Variants in OR2AJ1 observed in about 807,000 individuals in gnomAD.
The protein encoded by OR2AJ1 is olfactory receptor family 2 subfamily AJ member 1.
For synonymous variants in OR2AJ1, 105 were observed against 60.3 expected (o/e 1.74, Z -3.44); for missense variants, 280 against 163.2 (o/e 1.72, Z -3.90).
At position 247,934,363 on chromosome 1, in the gene OR2AJ1, G is replaced by T. The variant is rs985621779; in HGVS notation, c.595G>T (p.Val199Phe). 4.1e-6 allele frequency: 3 copies of T among 722,958 alleles called. No individual in the cohort carries two copies. Among genetic ancestry groups the T allele is most frequent in the Non-Finnish European group, 7.7e-6 (3 of 388,196 alleles). The allele number at this position is 722,958 out of a possible 1,614,324, so 44.8% of individuals were successfully genotyped here. Residue 199 changes from valine to phenylalanine, a missense_variant, in exon 2 of 2, where the codon GTT (valine) becomes TTT (phenylalanine). Physicochemically the swap from Val to Phe is conservative, Grantham distance 50. Transcript: ENST00000318244. Reference protein sequence around the residue: ...CADTTRYERGVCVSAVIFLLI... With the variant: ...CADTTRYERGFCVSAVIFLLI... ...AGACACAACACGCTATGAACGAGGGGTTTGTGTAAGTGCTGTGATCTTCCT... is the reference window on the plus strand; with the variant it reads ...AGACACAACACGCTATGAACGAGGGTTTTGTGTAAGTGCTGTGATCTTCCT...
In OR2AJ1 at chr1:247,934,238, C is replaced by T. The variant is rs1242007360; in HGVS notation, c.470C>T (p.Thr157Ile). ...TGGCTCATTGGGGTTTTCAACTCCA[C>T]AGTCCACACAGCTTATGCACTGCAG... Reference protein sequence around the residue: ...GSWLIGVFNSTVHTAYALQFP... With the variant: ...GSWLIGVFNSIVHTAYALQFP... Residue 157 changes from threonine to isoleucine, a missense_variant, in exon 2 of 2, where the codon ACA (threonine) becomes ATA (isoleucine). Transcript: ENST00000318244. 4.2e-6 allele frequency: 3 copies of T among 719,782 alleles called. No individual in the cohort carries two copies. The African/African-American group carries it at 5.2e-5, about 13-fold the overall frequency. 44.6% of individuals were successfully genotyped at this position (719,782 alleles called of 1,614,324 possible).
intron 1 of OR2AJ1, among the ~76,000 whole-genome samples, chr1:247,930,318 G>A (rs1032709126): frequency 1.3e-5 from 2 of 152,048 alleles, no homozygotes; most frequent in Non-Finnish European, 2.9e-5. Flanking sequence ...ATGCTTTATC[G>A]GTATAATGAG....
chr1:247,933,166 A>T (rs1660172980), intron 1 of OR2AJ1, among the ~76,000 whole-genome samples: 1 of 152,206 alleles, frequency 6.6e-6, no homozygotes, highest in African/African-American at 2.4e-5. Flanking sequence ...CATTTCATTC[A>T]AATATTCAAC....
intron 1 of OR2AJ1, among the ~76,000 whole-genome samples, chr1:247,929,205 T>C (rs921421188): frequency 1.3e-5 from 2 of 152,220 alleles, no homozygotes; most frequent in African/African-American, 4.8e-5. Context: ...CTCATTTTCA[T>C]GTGCGCATGT....
Position 247,934,996 on chromosome 1 carries a change from G to T in OR2AJ1, c.*241G>T. On this transcript the variant is annotated 3_prime_UTR_variant, in exon 2 of 2. Coordinates refer to ENST00000318244, the MANE Select transcript of OR2AJ1 (RefSeq NM_001355235.2). ...CTATTCCCTAACACCAAAATTGTAA[G>T]ACTTATGAGAATATCCCTAAAAATA... 2.8e-6 allele frequency: 1 copy of T among 360,536 alleles called. No homozygotes were observed. Among genetic ancestry groups the T allele is most frequent in the Non-Finnish European group, 4.9e-6 (1 of 202,518 alleles). The allele number at this position is 360,536 out of a possible 1,614,324, so 22.3% of individuals were successfully genotyped here.
At chr1:247,929,602 G>C (rs10888279) in intron 1 of OR2AJ1, among the ~76,000 whole-genome samples, 63 of 14,604 alleles carry the variant, frequency 4.3e-3, no homozygotes, top group Non-Finnish European at 7.2e-3. Context: ...TTCACTCGGT[G>C]TGTGTGTGTG....
At chr1:247,932,475 T>C (rs888000575) in intron 1 of OR2AJ1, among the ~76,000 whole-genome samples, 2 of 152,232 alleles carry the variant, frequency 1.3e-5, no homozygotes, top group Non-Finnish European at 2.9e-5. Flanking sequence ...TTCAAGGAAA[T>C]TAAAATAGGA....
rs143251158 is a variant in OR2AJ1, at chr1:247,929,076, A to G, written c.-23+3908A>G. Among the ~76,000 whole-genome samples the G allele has an allele frequency of 7.0e-4, 106 of 152,326 alleles. No homozygotes were observed. In the South Asian group the frequency reaches 0.014, roughly 20 times the overall value. ...ACTCACTCCGTAATGATTGTATGGA[A>G]TTGAAAAGTTAGAAGGGCCAAAAAA... On this transcript the variant is annotated intron_variant, in intron 1 of 1. Coordinates refer to ENST00000318244, the MANE Select transcript of OR2AJ1 (RefSeq NM_001355235.2).
intron 1 of OR2AJ1, among the ~76,000 whole-genome samples, chr1:247,927,519 T>TGTGTGTGTGTGTGTGTGTG (rs74163828): frequency 6.6e-5 from 10 of 151,598 alleles, no homozygotes; most frequent in East Asian, 1.9e-4. Flanking sequence ...TGTGTGTGTG[T>TGTGTGTGTGTGTGTGTGTG]TGGGAACATT....
chr1:247,930,805 G>A (rs1203108710), intron 1 of OR2AJ1, among the ~76,000 whole-genome samples: 2 of 152,104 alleles, frequency 1.3e-5, no homozygotes, highest in African/African-American at 4.8e-5. Context: ...TTTGAAGGAA[G>A]TGTGATGTGT....
intron 1 of OR2AJ1, among the ~76,000 whole-genome samples, chr1:247,929,241 C>A (rs1440541516): frequency 6.6e-6 from 1 of 152,164 alleles, no homozygotes; most frequent in Non-Finnish European, 1.5e-5. Context: ...CCTAAACATT[C>A]TCATTCAGTG....
rs1330001848 is a variant in OR2AJ1, at chr1:247,934,207, G to A, written c.439G>A (p.Gly147Ser). 1.4e-6 allele frequency: 1 copy of A among 718,508 alleles called. No homozygotes were observed. Among genetic ancestry groups the A allele is most frequent in the South Asian group, 1.5e-5 (1 of 67,674 alleles). 44.5% of individuals were successfully genotyped at this position (718,508 alleles called of 1,614,324 possible). ...KEYASALMAG[G>S]SWLIGVFNST... ...GTATGCCAGCGCTCTCATGGCTGGAGGCTCCTGGCTCATTGGGGTTTTCAA... is the reference window on the plus strand; with the variant it reads ...GTATGCCAGCGCTCTCATGGCTGGAAGCTCCTGGCTCATTGGGGTTTTCAA... The change falls in exon 2 of 2, where the codon GGC becomes AGC. Residue 147 changes from glycine (G) to serine (S), a missense_variant. Coordinates refer to ENST00000318244, the MANE Select transcript of OR2AJ1 (RefSeq NM_001355235.2).
chr1:247,933,274 C>T (rs1660173864), intron 1 of OR2AJ1, among the ~76,000 whole-genome samples: 1 of 152,070 alleles, frequency 6.6e-6, no homozygotes, highest in Non-Finnish European at 1.5e-5. Flanking sequence ...AAAATTCTGG[C>T]ATAGAATGAA....
Position 247,934,312 on chromosome 1 carries a change from C to T in OR2AJ1, c.544C>T (p.Pro182Ser), listed in dbSNP as rs1205900602. Reference sequence around the variant, plus strand: ...AATTGATCACTTCTTCTGTGAAGTCCCTGCCATGTTGAAGTTGTCCTGTGC... The same window carrying T: ...AATTGATCACTTCTTCTGTGAAGTCTCTGCCATGTTGAAGTTGTCCTGTGC... ...RAIDHFFCEV[P>S]AMLKLSCADT... Residue 182 changes from proline (P) to serine (S), a missense_variant, in exon 2 of 2, where the codon CCT becomes TCT. Coordinates refer to ENST00000318244, the MANE Select transcript of OR2AJ1 (RefSeq NM_001355235.2). The T allele has an allele frequency of 1.4e-6, 1 of 738,500 alleles. No homozygotes were observed. Among genetic ancestry groups the T allele is most frequent in the Non-Finnish European group, 2.5e-6 (1 of 396,458 alleles). The allele number at this position is 738,500 out of a possible 1,614,324, so 45.7% of individuals were successfully genotyped here. A position where few individuals can be genotyped will look rare whatever the true frequency, so the allele number is the denominator to read the frequency against.
chr1:247,927,576 T>C (rs1317928605), intron 1 of OR2AJ1, among the ~76,000 whole-genome samples: 1 of 150,858 alleles, frequency 6.6e-6, no homozygotes, highest in Non-Finnish European at 1.5e-5. Flanking sequence ...AAAATTATCA[T>C]TAACGATAAT....
At position 247,934,283 on chromosome 1, in the gene OR2AJ1, G is replaced by T; in HGVS notation, c.515G>T (p.Arg172Met). The T allele has an allele frequency of 1.4e-6, 1 of 732,868 alleles. No homozygotes were observed. Among genetic ancestry groups the T allele is most frequent in the Non-Finnish European group, 2.5e-6 (1 of 393,604 alleles). The allele number at this position is 732,868 out of a possible 1,614,324, so 45.4% of individuals were successfully genotyped here. A position where few individuals can be genotyped will look rare whatever the true frequency, so the allele number is the denominator to read the frequency against. The change falls in exon 2 of 2, where the codon AGG becomes ATG. Residue 172 changes from arginine (R) to methionine (M), a missense_variant. Physicochemically the swap from Arg to Met is moderately conservative, Grantham distance 91. Coordinates refer to ENST00000318244, the MANE Select transcript of OR2AJ1 (RefSeq NM_001355235.2). Reference sequence around the variant, plus strand: ...CTGCAGTTTCCCTTCTGTGGCTCTAGGGCAATTGATCACTTCTTCTGTGAA... The same window carrying T: ...CTGCAGTTTCCCTTCTGTGGCTCTATGGCAATTGATCACTTCTTCTGTGAA... ...YALQFPFCGSRAIDHFFCEVP... is the reference protein window; with the variant it reads ...YALQFPFCGSMAIDHFFCEVP...
At chr1:247,932,202 G>T (rs2103006587) in intron 1 of OR2AJ1, among the ~76,000 whole-genome samples, 1 of 152,302 alleles carries the variant, frequency 6.6e-6, no homozygotes, top group East Asian at 1.9e-4. Flanking sequence ...GCCGGGTTTG[G>T]TAGTGGTGCC....
At chr1:247,928,580 A>G (rs1414860388) in intron 1 of OR2AJ1, among the ~76,000 whole-genome samples, 1 of 152,018 alleles carries the variant, frequency 6.6e-6, no homozygotes, top group East Asian at 1.9e-4. Flanking sequence ...CTTTTCTGAG[A>G]CCGATGTTGA....
In OR2AJ1 at chr1:247,935,135, T is replaced by G. The variant is rs994368189; in HGVS notation, c.*380T>G. The G allele has an allele frequency of 5.8e-6, 1 of 172,580 alleles. No homozygotes were observed. Among genetic ancestry groups the G allele is most frequent in the Non-Finnish European group, 1.2e-5 (1 of 81,364 alleles). 10.7% of individuals were successfully genotyped at this position (172,580 alleles called of 1,614,324 possible). ...AATTCACAAATTCCATATGAAATCA[T>G]TATTCTTTGCCTGGTTTATCAACAC... On this transcript the variant is annotated 3_prime_UTR_variant, in exon 2 of 2. Coordinates refer to ENST00000318244, the MANE Select transcript of OR2AJ1 (RefSeq NM_001355235.2).
Sources: gnomAD v4.1 joint callset for allele counts (sites outside exome capture counted in the v4.1 genomes callset) on GRCh38, gnomAD v4.1.1 for gene constraint, MANE v1.5 for transcripts, NCBI Gene and HGNC (gene_info 2026-07-23, HGNC 2026-07-21) for gene names.